The following LRBA variants were observed in gnomAD, a reference collection of about 807,000 sequenced individuals.
LRBA encodes the protein LPS responsive beige-like anchor protein.
A neutral mutation model predicts 330.0 loss-of-function variants in LRBA; 176 were observed. The observed-to-expected ratio is 0.53, with a 90% CI of 0.47 to 0.60. LRBA has a LOEUF of 0.60. Ranked by LOEUF, LRBA falls within the 20% of genes least tolerant of loss-of-function variation. LRBA has a pLI of 0.00. For missense variants in LRBA, 3,259 were observed against 3,444.8 expected, an observed-to-expected ratio of 0.95 and a Z score of 1.35; for synonymous variants, 1,230 against 1,193.0, an observed-to-expected ratio of 1.03 and a Z score of -0.64.
At chr4:150,524,780 T>G (rs773261662) in intron 40 of LRBA, among the ~76,000 whole-genome samples, 1 of 152,164 alleles carries the variant, frequency 6.6e-6, no homozygotes, top group Non-Finnish European at 1.5e-5. Context: ...TTAGTCCCAC[T>G]GAAATTTAAA....
intron 37 of LRBA, among the ~76,000 whole-genome samples, chr4:150,663,805 G>T (rs1194329560): frequency 1.3e-5 from 2 of 152,068 alleles, no homozygotes; most frequent in African/African-American, 4.8e-5. Context: ...AACGCTATGA[G>T]AACACATATA....
At chr4:150,778,765 G>A (rs899892430) in intron 34 of LRBA, among the ~76,000 whole-genome samples, 1 of 152,130 alleles carries the variant, frequency 6.6e-6, no homozygotes, top group Non-Finnish European at 1.5e-5. Flanking sequence ...TGTCCTATTA[G>A]TACACGGTCA....
At chr4:151,008,371 G>A (rs754506699) in intron 2 of LRBA, among the ~76,000 whole-genome samples, 57 of 151,906 alleles carry the variant, frequency 3.8e-4, no homozygotes, top group Admixed American at 7.2e-4. Flanking sequence ...ATGAGCCACC[G>A]CACCCAGCCT....
Position 150,630,005 on chromosome 4 carries a change from A to T in LRBA, c.5922-30874T>A, listed in dbSNP as rs182549507. On this transcript the variant is annotated intron_variant, in intron 37 of 56. Transcript: ENST00000651943. ...CAACAACAACAAAAACATATTGCAA[A>T]CCCAGCTCCCTTCTGTTGTAATTCC... is the stretch of plus-strand genomic sequence containing the variant. 4.7e-4 allele frequency among the ~76,000 whole-genome samples: 72 copies of T among 152,032 alleles called. No individual in the cohort carries two copies. The East Asian group carries it at 0.011, about 23-fold the overall frequency.
At chr4:150,508,062 A>C (rs1447330280) in intron 40 of LRBA, among the ~76,000 whole-genome samples, 1 of 117,234 alleles carries the variant, frequency 8.5e-6, no homozygotes, top group African/African-American at 3.3e-5. Flanking sequence ...GGAACATCAC[A>C]AACCGGGGAC....
chr4:150,694,117 T>G (rs1444943553), intron 36 of LRBA, among the ~76,000 whole-genome samples: 1 of 152,088 alleles, frequency 6.6e-6, no homozygotes, highest in Non-Finnish European at 1.5e-5. Flanking sequence ...CCCTGTTTGG[T>G]CAGCTGCTTT....
At chr4:150,836,344 T>C (rs934904853) in intron 28 of LRBA, among the ~76,000 whole-genome samples, 5 of 152,216 alleles carry the variant, frequency 3.3e-5, no homozygotes, top group Admixed American at 1.3e-4. Flanking sequence ...TTCCCTCTTT[T>C]TCTATTGATT....
chr4:150,607,845 G>A (rs1425072048), intron 37 of LRBA, among the ~76,000 whole-genome samples: 1 of 152,062 alleles, frequency 6.6e-6, no homozygotes, highest in Non-Finnish European at 1.5e-5. Flanking sequence ...GACCAGCCTG[G>A]CCAACGTGGT....
chr4:150,648,184 A>AAAAAAAAAAAAAAAAAAAAAAAAAT (rs1779378881), intron 37 of LRBA, among the ~76,000 whole-genome samples: 1 of 149,066 alleles, frequency 6.7e-6, no homozygotes, highest in Non-Finnish European at 1.5e-5. Context: ...AAAACTAGAA[A>AAAAAAAAAAAAAAAAAAAAAAAAAT]AGAGCGAGAT....
intron 46 of LRBA, among the ~76,000 whole-genome samples, chr4:150,432,453 CTTTT>C (rs35393002): frequency 4.1e-5 from 4 of 98,438 alleles, no homozygotes; most frequent in African/African-American, 8.4e-5. Flanking sequence ...TAAGTGTGTT[CTTTT>C]TTTTTTTTTT....
intron 17 of LRBA, among the ~76,000 whole-genome samples, chr4:150,891,442 T>C (rs1729449016): frequency 6.6e-6 from 1 of 152,250 alleles, no homozygotes; most frequent in Admixed American, 6.5e-5. Flanking sequence ...TTTTTCTAGA[T>C]GTTTCTTTGA....
At chr4:150,489,054 TAAG>T (rs1184062490) in intron 41 of LRBA, among the ~76,000 whole-genome samples, 3 of 113,522 alleles carry the variant, frequency 2.6e-5, no homozygotes, top group Non-Finnish European at 5.0e-5. Flanking sequence ...ATATTATATA[TAAG>T]AATATATAAT....
chr4:150,512,667 A>G (rs993040371), intron 40 of LRBA, among the ~76,000 whole-genome samples: 1 of 149,720 alleles, frequency 6.7e-6, no homozygotes, highest in Non-Finnish European at 1.5e-5. Flanking sequence ...TAAGCCACCC[A>G]GTCTATGGTA....
intron 34 of LRBA, among the ~76,000 whole-genome samples, chr4:150,784,627 C>T (rs1320068729): frequency 6.6e-6 from 1 of 152,222 alleles, no homozygotes; most frequent in Non-Finnish European, 1.5e-5. Flanking sequence ...CTACATATAC[C>T]TGACTGGTAT....
chr4:150,991,860 C>T (rs566427525), intron 2 of LRBA, among the ~76,000 whole-genome samples: 17 of 152,298 alleles, frequency 1.1e-4, no homozygotes, highest in South Asian at 4.1e-4. Context: ...TGCCTTCAAG[C>T]TCATGATCTA....
rs1423144603 is a variant in LRBA at position 150,808,439 on chromosome 4, T to C, written c.5306-41A>G. The C allele has an allele frequency of 1.5e-5, 17 of 1,137,086 alleles. No homozygotes were observed. In the Admixed American group the frequency reaches 2.8e-4, roughly 19 times the overall value. 70.4% of individuals were successfully genotyped at this position (1,137,086 alleles called of 1,614,324 possible). On this transcript the variant is annotated intron_variant, in intron 31 of 56. Transcript: ENST00000651943. ...AACCATCTATAGGAATTTTCTGCTTTTAGATATGAAGATTTAAATAAAAAG... is the reference window on the plus strand; with the variant it reads ...AACCATCTATAGGAATTTTCTGCTTCTAGATATGAAGATTTAAATAAAAAG...
Position 150,583,552 on chromosome 4 carries a change from A to C in LRBA, c.6330+4496T>G. The C allele has an allele frequency of 1.2e-6, 2 of 1,613,882 alleles. No homozygotes were observed. Among genetic ancestry groups the C allele is most frequent in the Non-Finnish European group, 1.7e-6 (2 of 1,179,916 alleles). On this transcript the variant is annotated intron_variant, in intron 40 of 56. Transcript: ENST00000651943. The surrounding 1 kb of genome is among the most constrained non-coding windows in gnomAD (Gnocchi z 9.8). ...TGTGGTGCAAATCACTCCGGCGTTC[A>C]AGTGCACCGGGATCTGGCCTCGCAG...
intron 47 of LRBA, among the ~76,000 whole-genome samples, chr4:150,387,065 T>C (rs1743187557): frequency 6.6e-6 from 1 of 152,136 alleles, no homozygotes; most frequent in Non-Finnish European, 1.5e-5. Context: ...GTATGTCTTC[T>C]TTTGAGAAGT....
intron 56 of LRBA, among the ~76,000 whole-genome samples, chr4:150,273,130 A>T (rs563304745): frequency 6.6e-6 from 1 of 152,352 alleles, no homozygotes; most frequent in African/African-American, 2.4e-5. Context: ...AAACCCTACA[A>T]GCCAGAAGAG....
Sources: allele counts gnomAD v4.1 joint callset (sites outside exome capture counted in the v4.1 genomes callset), GRCh38; gene constraint gnomAD v4.1.1; non-coding constraint Gnocchi (gnomAD v3.1); transcripts MANE v1.5; gene names NCBI Gene and HGNC (gene_info 2026-07-23, HGNC 2026-07-21).